ACSBG2: variants seen among roughly 807,000 people sequenced by gnomAD.
ACSBG2 encodes the protein long-chain-fatty-acid--CoA ligase ACSBG2.
Under a neutral mutation model 74.7 loss-of-function variants are expected in ACSBG2, and 62 were observed. The ratio of observed to expected loss-of-function variants is 0.83; its 90% CI spans 0.68 to 1.03. The LOEUF is 1.03. Among genes scored for constraint, ACSBG2 ranks in the 50% least tolerant of loss-of-function variants. ACSBG2 has a pLI of 0.00. For synonymous variants in ACSBG2, 309 were observed against 294.1 expected, an observed-to-expected ratio of 1.05 and a Z score of -0.52; for missense variants, 730 against 817.6, an observed-to-expected ratio of 0.89 and a Z score of 1.31.
At chr19:6,136,913 G>A (rs1284912741) in intron 1 of ACSBG2, among the ~76,000 whole-genome samples, 2 of 152,058 alleles carry the variant, frequency 1.3e-5, no homozygotes, top group Non-Finnish European at 2.9e-5. Context: ...GATTTTTAAC[G>A]TGCAGTTCCC....
chr19:6,172,508 A>T (rs1792041293), intron 7 of ACSBG2, among the ~76,000 whole-genome samples: 1 of 151,188 alleles, frequency 6.6e-6, no homozygotes, highest in Non-Finnish European at 1.5e-5. Flanking sequence ...TAAGGTCTGT[A>T]CGGGTTCCAT....
chr19:6,161,261 G>C lies in ACSBG2; in HGVS notation c.554G>C (p.Arg185Thr), dbSNP rs746380056. Residue 185 changes from arginine (R) to threonine (T), a missense_variant, in exon 6 of 15, where the codon AGA (arginine) becomes ACA (threonine). By Grantham distance (71) the Arg-to-Thr change is moderately conservative. Coordinates refer to ENST00000588485, the MANE Select transcript of ACSBG2 (RefSeq NM_030924.5). ...CCCCTAAAAGCGATCATCCAGTACA[G>C]ACTGCCAATGAAGAAGAACAACAAC... ...LEPLKAIIQY[R>T]LPMKKNNNLY... 1.1e-5 allele frequency: 17 copies of C among 1,613,490 alleles called. No individual in the cohort carries two copies. In the East Asian group the frequency reaches 2.9e-4, roughly 27 times the overall value.
In ACSBG2 at chr19:6,179,298, T is replaced by A. The variant is rs1028129097; in HGVS notation, c.906+1902T>A. Among the ~76,000 whole-genome samples the A allele has an allele frequency of 6.2e-3, 913 of 148,228 alleles. 6 individuals carry two copies. Among genetic ancestry groups the A allele is most frequent in the East Asian group, 0.01 (53 of 5,100 alleles). On this transcript the variant is annotated intron_variant, in intron 8 of 14. Transcript: ENST00000588485. ...CACTTTGATTTCTTTTCTAAATTTT[T>A]TTTTTTTTTTTTTTTTTTAGAGACA... is the stretch of plus-strand genomic sequence containing the variant.
chr19:6,140,067 C>CA (rs1249678018), intron 1 of ACSBG2, among the ~76,000 whole-genome samples: 2 of 151,576 alleles, frequency 1.3e-5, no homozygotes, highest in African/African-American at 4.8e-5. Flanking sequence ...ACTAAAAATA[C>CA]AAAAAAAATT....
intron 10 of ACSBG2, among the ~76,000 whole-genome samples, chr19:6,184,801 C>CA (rs1466837956): frequency 4.8e-5 from 5 of 105,104 alleles, no homozygotes; most frequent in Non-Finnish European, 8.5e-5. Flanking sequence ...AAGCCAAAGG[C>CA]ATTTTTTTCT....
intron 8 of ACSBG2, among the ~76,000 whole-genome samples, chr19:6,178,327 C>T (rs1472254367): frequency 6.6e-6 from 1 of 152,040 alleles, no homozygotes; most frequent in African/African-American, 2.4e-5. Context: ...TCCATCTGAT[C>T]TGTCACATGC....
At chr19:6,169,208 T>C (rs1017771361) in intron 7 of ACSBG2, among the ~76,000 whole-genome samples, 2 of 152,262 alleles carry the variant, frequency 1.3e-5, no homozygotes, top group East Asian at 3.8e-4. Context: ...TTTGGTTTTG[T>C]TGTATTTGTT....
intron 5 of ACSBG2, chr19:6,160,731 C>T (rs2089579235): frequency 6.5e-6 from 1 of 154,614 alleles, no homozygotes; most frequent in Non-Finnish European, 1.4e-5. Context: ...ACAAAGAATC[C>T]AGGAGTCCTG....
At chr19:6,168,986 G>T (rs964321834) in intron 7 of ACSBG2, among the ~76,000 whole-genome samples, 3 of 152,020 alleles carry the variant, frequency 2.0e-5, no homozygotes, top group Non-Finnish European at 2.9e-5. Context: ...GCTATGTTGG[G>T]CAGGCTGGTC....
At chr19:6,186,593 T>C (rs2090415338) in intron 11 of ACSBG2, among the ~76,000 whole-genome samples, 1 of 152,210 alleles carries the variant, frequency 6.6e-6, no homozygotes, top group South Asian at 2.1e-4. Flanking sequence ...TCAACGTAAC[T>C]GAAAAGGTCA....
At chr19:6,161,681 T>C (rs992600879) in intron 6 of ACSBG2, 1 of 179,476 alleles carries the variant, frequency 5.6e-6, no homozygotes, top group African/African-American at 2.4e-5. Context: ...GGTGGGGCTT[T>C]GCAAAGGGAA....
At chr19:6,171,951 C>G (rs926784430) in intron 7 of ACSBG2, among the ~76,000 whole-genome samples, 1 of 151,946 alleles carries the variant, frequency 6.6e-6, no homozygotes, top group Non-Finnish European at 1.5e-5. Flanking sequence ...GTTTGAAAGA[C>G]CATTCTTCAA....
At chr19:6,154,700 T>C (rs2089362760) in intron 4 of ACSBG2, among the ~76,000 whole-genome samples, 1 of 151,762 alleles carries the variant, frequency 6.6e-6, no homozygotes, top group Non-Finnish European at 1.5e-5. Flanking sequence ...TTGGTAAAGA[T>C]GGGGTTTCTC....
At chr19:6,186,871 T>G (rs961661042) in intron 11 of ACSBG2, among the ~76,000 whole-genome samples, 5 of 151,968 alleles carry the variant, frequency 3.3e-5, no homozygotes, top group African/African-American at 1.2e-4. Flanking sequence ...CACCCGGCTA[T>G]TTTTTTGCAG....
At chr19:6,178,392 ATTAT>A (rs997316173) in intron 8 of ACSBG2, among the ~76,000 whole-genome samples, 34 of 151,940 alleles carry the variant, frequency 2.2e-4, no homozygotes, top group African/African-American at 8.2e-4. Context: ...TATTATTATT[ATTAT>A]TTGAGATAGA....
At chr19:6,177,184 C>G in intron 7 of ACSBG2, 45 bp from the exon 8 acceptor site, 1 of 1,593,598 alleles carries the variant, frequency 6.3e-7, no homozygotes, top group Non-Finnish European at 8.5e-7. Flanking sequence ...ATAAAATGGC[C>G]CTTCTATGAG....
At chr19:6,187,479 G>A in intron 12 of ACSBG2, 57 bp downstream of exon 12, 1 of 1,606,826 alleles carries the variant, frequency 6.2e-7, no homozygotes, top group South Asian at 1.1e-5. Context: ...TGGGTTCCCT[G>A]GCCCCACCCC....
intron 4 of ACSBG2, among the ~76,000 whole-genome samples, chr19:6,155,665 C>T (rs1239053811): frequency 6.6e-6 from 1 of 151,792 alleles, no homozygotes; most frequent in Non-Finnish European, 1.5e-5. Context: ...TGGTGCATAC[C>T]TGTAATCCCA....
In ACSBG2 at chr19:6,162,566, CAAAA is replaced by C. The variant is rs58138677; in HGVS notation, c.588+1290_588+1293del. 9.6e-3 allele frequency among the ~76,000 whole-genome samples: 811 copies of C among 84,178 alleles called. 8 individuals carry two copies. The highest frequency in any genetic ancestry group is 0.032 in the African/African-American group (748 of 23,486). 55.2% of individuals were successfully genotyped at this position (84,178 alleles called of 152,430 possible). A position where few individuals can be genotyped will look rare whatever the true frequency, so the allele number is the denominator to read the frequency against. On this transcript the variant is annotated intron_variant, in intron 6 of 14. Coordinates refer to ENST00000588485, the MANE Select transcript of ACSBG2 (RefSeq NM_030924.5). ...TGGGCAACAGAGCAAGACTCCGTCT[CAAAA>C]AAAAAAAAAAAAAAAAAATTACAAA... is the stretch of plus-strand genomic sequence containing the variant.
Sources: gnomAD v4.1 joint callset for allele counts (sites outside exome capture counted in the v4.1 genomes callset) on GRCh38, gnomAD v4.1.1 for gene constraint, MANE v1.5 for transcripts, NCBI Gene and HGNC (gene_info 2026-07-23, HGNC 2026-07-21) for gene names.